The following NUBPL variants were observed in gnomAD, a reference collection of about 807,000 sequenced individuals.
The protein encoded by NUBPL is iron-sulfur cluster transfer protein NUBPL.
NUBPL carries 31 observed loss-of-function variants against 45.7 expected under a neutral mutation model. The ratio of observed to expected loss-of-function variants is 0.68; its 90% CI spans 0.51 to 0.92. The LOEUF (loss-of-function observed/expected upper bound fraction) is 0.92, where lower values mean the gene tolerates loss of function less well. Ranked by LOEUF, NUBPL falls within the 40% of genes least tolerant of loss-of-function variation. The pLI is 0.00. For synonymous variants in NUBPL, 144 were observed against 140.9 expected, an observed-to-expected ratio of 1.02 and a Z score of -0.15; for missense variants, 401 against 398.7, an observed-to-expected ratio of 1.01 and a Z score of -0.05.
At chr14:31,669,459 C>CT (rs540141377) in intron 4 of NUBPL, among the ~76,000 whole-genome samples, 64 of 141,994 alleles carry the variant, frequency 4.5e-4, no homozygotes, top group Middle Eastern at 3.7e-3. Flanking sequence ...CTTTTCTTTG[C>CT]TTTTTTTTTT....
At chr14:31,695,984 A>G (rs2037205880) in intron 6 of NUBPL, among the ~76,000 whole-genome samples, 1 of 152,258 alleles carries the variant, frequency 6.6e-6, no homozygotes, top group Non-Finnish European at 1.5e-5. Context: ...CTGATGCTTT[A>G]AATGGGTAAT....
intron 6 of NUBPL, among the ~76,000 whole-genome samples, chr14:31,738,374 A>T (rs2038207137): frequency 6.6e-6 from 1 of 152,140 alleles, no homozygotes; most frequent in African/African-American, 2.4e-5. Flanking sequence ...ATGTCATGTG[A>T]ATTTTTCCTT....
intron 4 of NUBPL, among the ~76,000 whole-genome samples, chr14:31,665,843 C>T (rs558314527): frequency 3.2e-4 from 49 of 152,140 alleles, no homozygotes; most frequent in Non-Finnish European, 1.5e-5. Flanking sequence ...TAAAGTCTCC[C>T]ACTATTACTG....
intron 3 of NUBPL, among the ~76,000 whole-genome samples, chr14:31,574,807 C>G (rs1320621932): frequency 6.6e-6 from 1 of 151,772 alleles, no homozygotes; most frequent in Non-Finnish European, 1.5e-5. Context: ...TCTTGAACTC[C>G]TGACCTCAGG....
chr14:31,670,173 C>G (rs1311149299), intron 4 of NUBPL, among the ~76,000 whole-genome samples: 1 of 152,138 alleles, frequency 6.6e-6, no homozygotes, highest in African/African-American at 2.4e-5. Flanking sequence ...AATAGCCATT[C>G]TGACTGGTGT....
intron 4 of NUBPL, among the ~76,000 whole-genome samples, chr14:31,610,166 C>T (rs2034712359): frequency 6.6e-6 from 1 of 151,532 alleles, no homozygotes; most frequent in South Asian, 2.1e-4. Context: ...AAACCTCTAG[C>T]CAGACTAAGA....
intron 7 of NUBPL, among the ~76,000 whole-genome samples, chr14:31,824,849 GTATT>G (rs2040072322): frequency 6.6e-6 from 1 of 152,018 alleles, no homozygotes; most frequent in Non-Finnish European, 1.5e-5. Context: ...ACAGCATTCT[GTATT>G]TAATTATAAG....
chr14:31,744,697 C>G (rs1245124987), intron 6 of NUBPL, among the ~76,000 whole-genome samples: 2 of 146,576 alleles, frequency 1.4e-5, no homozygotes, highest in Admixed American at 1.4e-4. Context: ...TCTCGGCTCA[C>G]TGCAACCTCC....
At chr14:31,795,079 C>G in intron 7 of NUBPL, among the ~76,000 whole-genome samples, 1 of 149,160 alleles carries the variant, frequency 6.7e-6, no homozygotes, top group South Asian at 2.1e-4. Flanking sequence ...CTGTTCTGTT[C>G]CATTGATCTA....
chr14:31,651,307 A>G (rs1461432929), intron 4 of NUBPL, among the ~76,000 whole-genome samples: 1 of 152,052 alleles, frequency 6.6e-6, no homozygotes, highest in Non-Finnish European at 1.5e-5. Flanking sequence ...CTAGTGATCC[A>G]CACTTCTTGG....
chr14:31,803,693 A>T (rs759116668), intron 7 of NUBPL, among the ~76,000 whole-genome samples: 145 of 152,282 alleles, frequency 9.5e-4, no homozygotes, highest in Non-Finnish European at 1.4e-3. Flanking sequence ...ATGTAGAAAG[A>T]GTTATTGTTG....
intron 3 of NUBPL, among the ~76,000 whole-genome samples, chr14:31,581,070 A>C (rs1269900980): frequency 6.6e-6 from 1 of 152,234 alleles, no homozygotes; most frequent in Non-Finnish European, 1.5e-5. Context: ...CCAGTGTGTA[A>C]GCTAAAGTTG....
intron 4 of NUBPL, among the ~76,000 whole-genome samples, chr14:31,610,651 C>T (rs2034731800): frequency 6.7e-6 from 1 of 149,540 alleles, no homozygotes; most frequent in Non-Finnish European, 1.5e-5. Flanking sequence ...TGCAGGCCAC[C>T]TTCTCTGATG....
At chr14:31,593,629 A>G (rs2034207760) in intron 3 of NUBPL, among the ~76,000 whole-genome samples, 1 of 152,080 alleles carries the variant, frequency 6.6e-6, no homozygotes, top group Admixed American at 6.6e-5. Flanking sequence ...TTGAATACTA[A>G]TATAGATACT....
At chr14:31,641,481 C>T (rs1185658541) in intron 4 of NUBPL, among the ~76,000 whole-genome samples, 1 of 152,148 alleles carries the variant, frequency 6.6e-6, no homozygotes, top group Non-Finnish European at 1.5e-5. Flanking sequence ...CCTCCAGCTT[C>T]ACTCATGTTA....
chr14:31,608,156 G>A (rs2034652699), intron 4 of NUBPL, among the ~76,000 whole-genome samples: 1 of 152,158 alleles, frequency 6.6e-6, no homozygotes, highest in South Asian at 2.1e-4. Context: ...TATCCTTCAA[G>A]CATCAAGAAG....
At chr14:31,759,253 G>A (rs1246857783) in intron 6 of NUBPL, among the ~76,000 whole-genome samples, 2 of 151,638 alleles carry the variant, frequency 1.3e-5, no homozygotes, top group South Asian at 2.1e-4. Flanking sequence ...GTGGCTTGTC[G>A]TGTAGAAAAC....
At chr14:31,585,505 A>T (rs2033972696) in intron 3 of NUBPL, among the ~76,000 whole-genome samples, 1 of 152,218 alleles carries the variant, frequency 6.6e-6, no homozygotes, top group Admixed American at 6.5e-5. Flanking sequence ...GCTGCTATGA[A>T]CATTTGTGTG....
Position 31,749,710 on chromosome 14 carries a change from CTT to C in NUBPL, c.514-38067_514-38066del, listed in dbSNP as rs574722409. ...TTTTTGGCTTGATTCTATTTGGGGA[CTT>C]TTGAGCTTCTTCATTTGAATGTTTA... On this transcript the variant is annotated intron_variant, in intron 6 of 10. Transcript: ENST00000281081. Among the ~76,000 whole-genome samples, 4 of 151,830 alleles carry C rather than the reference CTT, an allele frequency of 2.6e-5. 1 individual carries two copies. In the East Asian group the frequency reaches 7.7e-4, roughly 29 times the overall value.
Sources: gnomAD v4.1 joint callset for allele counts (sites outside exome capture counted in the v4.1 genomes callset) on GRCh38, gnomAD v4.1.1 for gene constraint, MANE v1.5 for transcripts, NCBI Gene and HGNC (gene_info 2026-07-23, HGNC 2026-07-21) for gene names.